The following MROH1 variants were observed in gnomAD, a reference collection of about 807,000 sequenced individuals.
MROH1 encodes maestro heat like repeat family member 1, also known as maestro heat-like repeat-containing protein family member 1.
MROH1 carries 117 observed loss-of-function variants against 116.5 expected under a neutral mutation model. The ratio of observed to expected loss-of-function variants is 1.00; its 90% CI spans 0.86 to 1.17. MROH1 has a LOEUF of 1.17. MROH1 is among the 50% of genes most tolerant of loss of function. MROH1 has a pLI of 0.00. For missense variants in MROH1, 1,873 were observed against 1,338.5 expected (o/e 1.40, Z -6.23); for synonymous variants, 921 against 583.9 (o/e 1.58, Z -8.32).
rs1337637829 is a variant in MROH1, at chr8:144,254,837, G to A, written c.3453G>A (p.Ala1151=). 5.0e-5 allele frequency: 39 copies of A among 776,912 alleles called. No individual in the cohort carries two copies. Among genetic ancestry groups the A allele is most frequent in the African/African-American group, 1.5e-4 (9 of 59,206 alleles). 48.1% of individuals were successfully genotyped at this position (776,912 alleles called of 1,614,324 possible). The change falls in exon 34 of 44, where the codon GCG becomes GCA. Residue 1151 remains alanine, a synonymous_variant. Coordinates refer to ENST00000326134, the MANE Select transcript of MROH1 (RefSeq NM_032450.3). ...LDSHTCMLWR[A]LAVEPRLAAQ... The stretch of plus-strand genomic sequence containing the variant: ...GCCACACCTGCATGCTGTGGCGGGC[G>A]CTGGCGGTGGAGCCTCGCCTAGCTG...
chr8:144,151,842 C>T (rs1369237871), intron 1 of MROH1, among the ~76,000 whole-genome samples: 3 of 152,346 alleles, frequency 2.0e-5, no homozygotes, highest in African/African-American at 7.2e-5. Flanking sequence ...ACCAACGTCA[C>T]ACGCCCTGCG....
intron 14 of MROH1, among the ~76,000 whole-genome samples, chr8:144,231,223 C>T (rs1048825157): frequency 9.9e-5 from 15 of 151,638 alleles, no homozygotes; most frequent in Admixed American, 2.6e-4. Flanking sequence ...TACACAGACA[C>T]GGCAACCATC....
At chr8:144,229,886 T>C (rs954590201) in intron 14 of MROH1, among the ~76,000 whole-genome samples, 31 of 151,970 alleles carry the variant, frequency 2.0e-4, no homozygotes, top group South Asian at 4.1e-4. Context: ...ATACAAAAAT[T>C]AGCTAAGCGT....
intron 1 of MROH1, among the ~76,000 whole-genome samples, chr8:144,149,297 T>C (rs1816170493): frequency 1.3e-5 from 2 of 152,282 alleles, no homozygotes; most frequent in African/African-American, 4.8e-5. Flanking sequence ...AACAGGTGTC[T>C]CTGGTCTCTC....
At chr8:144,202,081 G>T (rs1831296113) in intron 12 of MROH1, among the ~76,000 whole-genome samples, 2 of 152,028 alleles carry the variant, frequency 1.3e-5, no homozygotes, top group Admixed American at 1.3e-4. Flanking sequence ...CGGGGCCACA[G>T]TGCGAAAGTC....
chr8:144,218,750 CGCTTCCCCTTTT>C (rs1386609888), intron 12 of MROH1, among the ~76,000 whole-genome samples: 5 of 23,654 alleles, frequency 2.1e-4, no homozygotes, highest in Non-Finnish European at 3.2e-4. Context: ...CCTCCCCTCT[CGCTTCCCCTTTT>C]CCCTCCCCTC....
chr8:144,240,044 C>A, intron 18 of MROH1, 57 bp from the exon 19 acceptor site: 4 of 748,438 alleles, frequency 5.3e-6, no homozygotes, highest in Non-Finnish European at 7.4e-6. Flanking sequence ...AGGTGCTGGG[C>A]TCTGAGCCCC....
chr8:144,192,849 G>A (rs771705440), intron 10 of MROH1: 63 of 335,224 alleles, frequency 1.9e-4, no homozygotes, highest in Non-Finnish European at 2.7e-4. Context: ...GGGGCAGCTG[G>A]GACCCCTCCC....
chr8:144,212,903 C>G (rs764576400), intron 12 of MROH1: 89 of 684,566 alleles, frequency 1.3e-4, no homozygotes, highest in Non-Finnish European at 2.1e-4. Context: ...TTTTCTGTTA[C>G]GTCTCTATCT....
In MROH1 at chr8:144,151,599, G is replaced by A. The variant is rs918796626; in HGVS notation, c.-177+3523G>A. ...AGCCCAGGTGTGATCCGACTCTGCC[G>A]GTACACCAAAGGGCAAGAACCCGGG... On this transcript the variant is annotated intron_variant, in intron 1 of 43. Transcript: ENST00000326134. 1.7e-3 allele frequency among the ~76,000 whole-genome samples: 262 copies of A among 152,278 alleles called. 1 individual carries two copies. Among genetic ancestry groups the A allele is most frequent in the Non-Finnish European group, 2.6e-3 (177 of 68,024 alleles).
chr8:144,207,948 T>C (rs867268168), intron 12 of MROH1, among the ~76,000 whole-genome samples: 1,714 of 147,268 alleles, frequency 0.012, 50 homozygotes, highest in Non-Finnish European at 0.013. Context: ...TTTAATTACT[T>C]TTTTTTTTTT....
At chr8:144,221,400 G>T (rs998217690) in intron 13 of MROH1, among the ~76,000 whole-genome samples, 3 of 152,162 alleles carry the variant, frequency 2.0e-5, no homozygotes, top group Admixed American at 2.0e-4. Context: ...AGCTTTGGGC[G>T]GGTGGATCTT....
At position 144,243,716 on chromosome 8, in the gene MROH1, C is replaced by A. The variant is rs1322756951; in HGVS notation, c.2475+100C>A. ...ACTGAGGGTGATAATGTGAAGACAG[C>A]CTGGGAACATGGGAGGGGCCATGTA... On this transcript the variant is annotated intron_variant, in intron 25 of 43. Coordinates refer to ENST00000326134, the MANE Select transcript of MROH1 (RefSeq NM_032450.3). The A allele has an allele frequency of 6.5e-6, 5 of 764,422 alleles. No individual in the cohort carries two copies. The Admixed American group carries it at 8.8e-5, about 13-fold the overall frequency. 47.4% of individuals were successfully genotyped at this position (764,422 alleles called of 1,614,324 possible).
intron 10 of MROH1, among the ~76,000 whole-genome samples, chr8:144,195,219 A>AAAAAAAAAAAAAT (rs1829573222): frequency 7.1e-6 from 1 of 141,844 alleles, no homozygotes; most frequent in Non-Finnish European, 1.5e-5. Context: ...AAAAAAAAAA[A>AAAAAAAAAAAAAT]GGCCGAGTGC....
At chr8:144,214,548 G>C (rs913924329) in intron 12 of MROH1, 2 of 152,110 alleles carry the variant, frequency 1.3e-5, no homozygotes, top group Admixed American at 1.3e-4. Flanking sequence ...GTTTTTCCTT[G>C]GTGCTTTTTA....
intron 12 of MROH1, among the ~76,000 whole-genome samples, chr8:144,219,341 A>G (rs555256884): frequency 1.3e-5 from 2 of 151,984 alleles, no homozygotes; most frequent in Admixed American, 1.3e-4. Context: ...ATTTTTTAGT[A>G]CAGAAGGGGT....
Position 144,180,544 on chromosome 8 carries a change from C to T in MROH1, c.562+21C>T, listed in dbSNP as rs1564411574. The T allele has an allele frequency of 1.2e-6, 2 of 1,603,342 alleles. No homozygotes were observed. The highest frequency in any genetic ancestry group is 1.7e-6 in the Non-Finnish European group (2 of 1,177,582). On this transcript the variant is annotated intron_variant, in intron 7 of 43. Coordinates refer to ENST00000326134, the MANE Select transcript of MROH1 (RefSeq NM_032450.3). This position sits in a 1 kb window ranked among gnomAD's most constrained non-coding sequence, Gnocchi z 7.4. ...CTCCGGTAAGAGGCGGCCTCGTCAC[C>T]TTCTGTCTCAAGTGCCCCTTTGTGG...
intron 39 of MROH1, 56 bp downstream of exon 39, chr8:144,260,430 C>T (rs1043735111): frequency 1.0e-5 from 7 of 701,278 alleles, no homozygotes; most frequent in South Asian, 5.9e-5. Flanking sequence ...CTGCCTCTTA[C>T]TCTGAGCTTT....
At chr8:144,188,860 GGCCA>G (rs1459486412) in intron 7 of MROH1, among the ~76,000 whole-genome samples, 1 of 152,090 alleles carries the variant, frequency 6.6e-6, no homozygotes, top group African/African-American at 2.4e-5. Flanking sequence ...GCCAGGACTA[GGCCA>G]GCCTGCACCT....
Sources: gnomAD v4.1 joint callset for allele counts (sites outside exome capture counted in the v4.1 genomes callset) on GRCh38, gnomAD v4.1.1 for gene constraint, Gnocchi (gnomAD v3.1) non-coding constraint, MANE v1.5 for transcripts, NCBI Gene and HGNC (gene_info 2026-07-23, HGNC 2026-07-21) for gene names.